Variants in QSOX2 observed in about 807,000 individuals in gnomAD.
QSOX2 encodes the protein sulfhydryl oxidase 2.
A neutral mutation model predicts 61.7 loss-of-function variants in QSOX2; 46 were observed. The observed-to-expected ratio is 0.75, with a 90% CI of 0.59 to 0.95. The LOEUF (loss-of-function observed/expected upper bound fraction) is 0.95, where lower values mean the gene tolerates loss of function less well. Ranked by LOEUF, QSOX2 falls within the 40% of genes least tolerant of loss-of-function variation. The pLI is 0.00. For missense variants in QSOX2, 879 were observed against 918.9 expected (o/e 0.96, Z 0.56); for synonymous variants, 383 against 388.4 (o/e 0.99, Z 0.16).
intron 1 of QSOX2, among the ~76,000 whole-genome samples, chr9:136,243,164 T>C (rs1295123593): frequency 1.3e-5 from 2 of 152,150 alleles, no homozygotes; most frequent in African/African-American, 4.8e-5. Flanking sequence ...CTGCAGGAAA[T>C]CAAAATATTT....
chr9:136,238,863 G>C (rs922723868), intron 1 of QSOX2, among the ~76,000 whole-genome samples: 3 of 152,342 alleles, frequency 2.0e-5, no homozygotes, highest in Admixed American at 6.5e-5. Flanking sequence ...CCCTATCAAA[G>C]TCCTTTTAGC....
chr9:136,234,377 C>T (rs1459536836), intron 1 of QSOX2, among the ~76,000 whole-genome samples: 2 of 152,122 alleles, frequency 1.3e-5, no homozygotes, highest in East Asian at 3.9e-4. Flanking sequence ...ACCCCCAGCC[C>T]GCAAGTTGTC....
At chr9:136,224,796 C>A in intron 3 of QSOX2, 65 bp downstream of exon 3, 4 of 1,159,022 alleles carry the variant, frequency 3.5e-6, no homozygotes, top group Non-Finnish European at 3.8e-6. Context: ...GCTCTGGGAC[C>A]GTGTGTCTTT....
intron 10 of QSOX2, among the ~76,000 whole-genome samples, chr9:136,212,321 A>C (rs549771048): frequency 6.6e-6 from 1 of 152,346 alleles, no homozygotes; most frequent in Non-Finnish European, 1.5e-5. Context: ...AGATTAAAAC[A>C]GATTACATGT....
In QSOX2 at chr9:136,210,002, A is replaced by C. The variant is rs923359445; in HGVS notation, c.1550-727T>G. The C allele has an allele frequency of 4.1e-6, 4 of 985,284 alleles. No individual in the cohort carries two copies. The African/African-American group carries it at 7.0e-5, about 17-fold the overall frequency. The allele number at this position is 985,284 out of a possible 1,614,324, so 61.0% of individuals were successfully genotyped here. ...TGGCCACCCTCACAGAGCTTCCAGAAGTGAATGTAAACACAACCACGTTTG... is the reference window on the plus strand; with the variant it reads ...TGGCCACCCTCACAGAGCTTCCAGACGTGAATGTAAACACAACCACGTTTG... On this transcript the variant is annotated intron_variant, in intron 11 of 11. Coordinates refer to ENST00000358701, the MANE Select transcript of QSOX2 (RefSeq NM_181701.4).
intron 1 of QSOX2, among the ~76,000 whole-genome samples, chr9:136,244,752 G>C (rs1162833567): frequency 6.6e-6 from 1 of 152,216 alleles, no homozygotes; most frequent in Admixed American, 6.5e-5. Context: ...AAACAATAAA[G>C]TGCGGAACAC....
chr9:136,224,103 C>A lies in QSOX2; in HGVS notation c.488G>T (p.Arg163Leu). The A allele has an allele frequency of 6.2e-7, 1 of 1,613,758 alleles. No homozygotes were observed. The highest frequency in any genetic ancestry group is 8.5e-7 in the Non-Finnish European group (1 of 1,179,882). The change falls in exon 4 of 12, where the codon CGA (arginine) becomes CTA (leucine). Residue 163 changes from arginine to leucine, a missense_variant. By Grantham distance (102) the Arg-to-Leu change is moderately radical. Coordinates refer to ENST00000358701, the MANE Select transcript of QSOX2 (RefSeq NM_181701.4). The stretch of plus-strand genomic sequence containing the variant: ...CGTCTGTCTGACTGTTCGCAGCTCT[C>A]GGTCAGGTCCTGCCGGAAGCACACC... Reference protein sequence around the residue: ...TTGENFKGPDRELRTVRQTMI... With the variant: ...TTGENFKGPDLELRTVRQTMI...
chr9:136,208,212 C>G lies in QSOX2; in HGVS notation c.*516G>C, dbSNP rs952267382. Reference sequence around the variant, plus strand: ...GACTGCGCTTCCGGCTCTGTCTGTCCCCGCCCGGCTAAAGGAAAACACTTG... The same window carrying G: ...GACTGCGCTTCCGGCTCTGTCTGTCGCCGCCCGGCTAAAGGAAAACACTTG... On this transcript the variant is annotated 3_prime_UTR_variant, in exon 12 of 12. Coordinates refer to ENST00000358701, the MANE Select transcript of QSOX2 (RefSeq NM_181701.4). 2 of 143,104 alleles carry G rather than the reference C, an allele frequency of 1.4e-5. No individual in the cohort carries two copies. The highest frequency in any genetic ancestry group is 4.2e-4 in the East Asian group (2 of 4,772). 8.9% of individuals were successfully genotyped at this position (143,104 alleles called of 1,614,324 possible). A position where few individuals can be genotyped will look rare whatever the true frequency, so the allele number is the denominator to read the frequency against.
At chr9:136,219,524 C>T (rs1025435340) in intron 6 of QSOX2, among the ~76,000 whole-genome samples, 22 of 152,214 alleles carry the variant, frequency 1.4e-4, no homozygotes, top group African/African-American at 2.2e-4. Context: ...TTCACCGACG[C>T]GCCCACAATC....
chr9:136,226,762 C>T lies in QSOX2; in HGVS notation c.429+12G>A, dbSNP rs199541529. On this transcript the variant is annotated intron_variant, in intron 2 of 11. Transcript: ENST00000358701. ...GTGAATTTCAACGGACAAGCAGCCG[C>T]GTGATACTCACCCGGAAGGTGGGGT... The T allele has an allele frequency of 1.6e-4, 258 of 1,596,468 alleles. No individual in the cohort carries two copies. Among genetic ancestry groups the T allele is most frequent in the Non-Finnish European group, 2.1e-4 (245 of 1,163,734 alleles).
intron 1 of QSOX2, among the ~76,000 whole-genome samples, chr9:136,237,121 G>A (rs1238946899): frequency 7.3e-6 from 1 of 136,686 alleles, no homozygotes; most frequent in Non-Finnish European, 1.5e-5. Flanking sequence ...CACACCTGGA[G>A]CCCATCCTGG....
chr9:136,218,928 C>T, intron 7 of QSOX2, 102 bp downstream of exon 7: 1 of 1,572,064 alleles, frequency 6.4e-7, no homozygotes, highest in Non-Finnish European at 8.6e-7. Flanking sequence ...GAGCGGCCCT[C>T]ACTGGCTGGG....
intron 8 of QSOX2, among the ~76,000 whole-genome samples, 165 bp downstream of exon 8, chr9:136,218,514 C>T (rs112767318): frequency 1.8e-4 from 28 of 152,360 alleles, no homozygotes; most frequent in East Asian, 1.4e-3. Flanking sequence ...AGGAGGCACT[C>T]GGGAAATGGG....
chr9:136,211,042 A>C (rs1831837449), intron 11 of QSOX2, among the ~76,000 whole-genome samples: 1 of 152,226 alleles, frequency 6.6e-6, no homozygotes, highest in South Asian at 2.1e-4. Flanking sequence ...GAGCCCCCGG[A>C]GTGAGAGAAG....
rs534237120 is a variant in QSOX2 at position 136,221,694 on chromosome 9, A to G, written c.821+102T>C. ...CCCAGGGAAGCGAGGCGGAGGGGCC[A>G]GGGCTCCCCCGATCTCACACCAGAC... is the stretch of plus-strand genomic sequence containing the variant. On this transcript the variant is annotated intron_variant, in intron 6 of 11. Coordinates refer to ENST00000358701, the MANE Select transcript of QSOX2 (RefSeq NM_181701.4). This position sits in a 1 kb window ranked among gnomAD's most constrained non-coding sequence, Gnocchi z 4.5. 4.2e-4 allele frequency: 546 copies of G among 1,302,212 alleles called. No individual in the cohort carries two copies. Among genetic ancestry groups the G allele is most frequent in the Non-Finnish European group, 5.4e-4 (522 of 968,180 alleles). The allele number at this position is 1,302,212 out of a possible 1,614,324, so 80.7% of individuals were successfully genotyped here.
chr9:136,229,752 C>A (rs1190925050), intron 1 of QSOX2, among the ~76,000 whole-genome samples: 1 of 152,202 alleles, frequency 6.6e-6, no homozygotes, highest in East Asian at 1.9e-4. Context: ...GGCATGTTAC[C>A]TACACAAACA....
In QSOX2 at chr9:136,221,737, A is replaced by C; in HGVS notation, c.821+59T>G. The C allele has an allele frequency of 6.6e-7, 1 of 1,509,470 alleles. No homozygotes were observed. Among genetic ancestry groups the C allele is most frequent in the Non-Finnish European group, 8.9e-7 (1 of 1,123,150 alleles). 93.5% of individuals were successfully genotyped at this position (1,509,470 alleles called of 1,614,324 possible). ...CACCAGACTTGCACTGTCTACTCGG[A>C]GCCTCTGTCCGGTAACTCCGAGCGG... On this transcript the variant is annotated intron_variant, in intron 6 of 11. Transcript: ENST00000358701. This position sits in a 1 kb window ranked among gnomAD's most constrained non-coding sequence, Gnocchi z 4.5.
chr9:136,234,168 A>G (rs908304508), intron 1 of QSOX2, among the ~76,000 whole-genome samples: 1 of 152,204 alleles, frequency 6.6e-6, no homozygotes, highest in East Asian at 1.9e-4. Context: ...CCTGAGCAGA[A>G]GGCCTACTTC....
intron 9 of QSOX2, among the ~76,000 whole-genome samples, chr9:136,215,888 C>T (rs932366583): frequency 6.6e-6 from 1 of 152,206 alleles, no homozygotes; most frequent in Non-Finnish European, 1.5e-5. Flanking sequence ...GTCGCAGTCA[C>T]GTGAGAGTGC....
Sources: gnomAD v4.1 joint callset for allele counts (sites outside exome capture counted in the v4.1 genomes callset) on GRCh38, gnomAD v4.1.1 for gene constraint, Gnocchi (gnomAD v3.1) non-coding constraint, MANE v1.5 for transcripts, NCBI Gene and HGNC (gene_info 2026-07-23, HGNC 2026-07-21) for gene names.